TMEM184C: variants seen among roughly 807,000 people sequenced by gnomAD.
TMEM184C encodes the protein transmembrane protein 184C.
A neutral mutation model predicts 54.5 loss-of-function variants in TMEM184C; 25 were observed. That is an observed-to-expected ratio of 0.46 (90% CI 0.33 to 0.64). The LOEUF (loss-of-function observed/expected upper bound fraction) is 0.64, where lower values mean the gene tolerates loss of function less well. Among genes scored for constraint, TMEM184C ranks in the 30% least tolerant of loss-of-function variants. The probability of loss-of-function intolerance (pLI) is 0.02; values close to 1 mark genes in which losing one functional copy is unlikely to be tolerated. For missense variants in TMEM184C, 335 were observed against 520.3 expected (o/e 0.64, Z 3.46); for synonymous variants, 148 against 181.5 (o/e 0.82, Z 1.49).
intron 1 of TMEM184C, among the ~76,000 whole-genome samples, chr4:147,619,533 C>A (rs1732667550): frequency 1.3e-5 from 2 of 152,182 alleles, no homozygotes; most frequent in African/African-American, 4.8e-5. Context: ...TATTCTGCTA[C>A]ATTCAATATT....
intron 1 of TMEM184C, among the ~76,000 whole-genome samples, chr4:147,623,051 T>C (rs1480382338): frequency 6.6e-6 from 1 of 152,216 alleles, no homozygotes; most frequent in Non-Finnish European, 1.5e-5. Context: ...TACATTTTAA[T>C]GTGGAAATTT....
intron 3 of TMEM184C, among the ~76,000 whole-genome samples, chr4:147,624,540 G>A (rs962260099): frequency 6.6e-6 from 1 of 152,064 alleles, no homozygotes; most frequent in African/African-American, 2.4e-5. Context: ...AAGAACACAA[G>A]TACTTACTTT....
rs771751366 is a variant in TMEM184C, at chr4:147,617,919, CT to C, written c.-34del. On this transcript the variant is annotated 5_prime_UTR_variant, in exon 1 of 10. The change abolishes the stop of an existing upstream ORF in the 5' untranslated region. Coordinates refer to ENST00000296582, the MANE Select transcript of TMEM184C (RefSeq NM_018241.3). ...CTCCCCATTACAATCTTTTCGAGAT[CT>C]TTTCCCTTGCTAACCGGATCTGATT... 6 of 1,612,492 alleles carry C rather than the reference CT, an allele frequency of 3.7e-6. No individual in the cohort carries two copies. The highest frequency in any genetic ancestry group is 5.1e-6 in the Non-Finnish European group (6 of 1,179,080).
intron 6 of TMEM184C, among the ~76,000 whole-genome samples, chr4:147,629,969 TGTATGA>T (rs1414113745): frequency 6.6e-6 from 1 of 151,678 alleles, no homozygotes; most frequent in Non-Finnish European, 1.5e-5. Flanking sequence ...ATTGCATAGC[TGTATGA>T]GTATGTCATA....
In TMEM184C at chr4:147,630,467, TA is replaced by T. The variant is rs778926895; in HGVS notation, c.666+776del. Among the ~76,000 whole-genome samples the T allele has an allele frequency of 5.9e-4, 90 of 152,192 alleles. 1 individual carries two copies. Among genetic ancestry groups the T allele is most frequent in the Non-Finnish European group, 1.1e-3 (72 of 67,904 alleles). ...AGTATGTTTGCCTAAAGTATCTTTGTATATAAAGCCCATTACTTGTAAATAA... is the reference window on the plus strand; with the variant it reads ...AGTATGTTTGCCTAAAGTATCTTTGTTATAAAGCCCATTACTTGTAAATAA... On this transcript the variant is annotated intron_variant, in intron 6 of 9. Transcript: ENST00000296582.
At chr4:147,623,995 G>A in intron 2 of TMEM184C, 31 bp downstream of exon 2, 1 of 1,612,536 alleles carries the variant, frequency 6.2e-7, no homozygotes, top group Non-Finnish European at 8.5e-7. Context: ...TTCCACTACT[G>A]TTGTGTTGGC....
chr4:147,634,525 G>A lies in TMEM184C; in HGVS notation c.*91G>A. The stretch of plus-strand genomic sequence containing the variant: ...GTGCTTGGGACAGACCATAAATGAT[G>A]GAAAATGTCAACACAAAAATAGCTG... On this transcript the variant is annotated 3_prime_UTR_variant, in exon 10 of 10. Coordinates refer to ENST00000296582, the MANE Select transcript of TMEM184C (RefSeq NM_018241.3). The A allele has an allele frequency of 2.8e-6, 4 of 1,425,798 alleles. No individual in the cohort carries two copies. Among genetic ancestry groups the A allele is most frequent in the Non-Finnish European group, 2.8e-6 (3 of 1,062,730 alleles). The allele number at this position is 1,425,798 out of a possible 1,614,324, so 88.3% of individuals were successfully genotyped here.
intron 7 of TMEM184C, 38 bp from the exon 8 acceptor site, chr4:147,632,865 T>G: frequency 6.3e-7 from 1 of 1,578,688 alleles, no homozygotes; most frequent in Middle Eastern, 1.7e-4. Context: ...ATTTTATGCT[T>G]GATATAGATT....
chr4:147,634,467 C>A lies in TMEM184C; in HGVS notation c.*33C>A. The A allele has an allele frequency of 6.3e-7, 1 of 1,596,406 alleles. No homozygotes were observed. Among genetic ancestry groups the A allele is most frequent in the Non-Finnish European group, 8.5e-7 (1 of 1,170,396 alleles). ...GGAAAAGCAAACTGTGCAACTACTA[C>A]ATTATATCATTACCTGGTATCCCAT... On this transcript the variant is annotated 3_prime_UTR_variant, in exon 10 of 10. Coordinates refer to ENST00000296582, the MANE Select transcript of TMEM184C (RefSeq NM_018241.3).
In TMEM184C at chr4:147,634,354, A is replaced by G; in HGVS notation, c.1237A>G (p.Thr413Ala). 1.2e-6 allele frequency: 2 copies of G among 1,614,184 alleles called. No homozygotes were observed. Among genetic ancestry groups the G allele is most frequent in the Non-Finnish European group, 8.5e-7 (1 of 1,180,014 alleles). ...TGTGACTCCCCAGACTACACCTACC[A>G]CAGCTAAGATATCTGATGAAATCCT... ...HTVTPQTTPT[T>A]AKISDEILSD... The change falls in exon 10 of 10, where the codon ACA becomes GCA. Residue 413 changes from threonine (T) to alanine (A), a missense_variant. By Grantham distance (58) the Thr-to-Ala change is moderately conservative. Transcript: ENST00000296582.
chr4:147,625,480 T>G (rs1310311709), intron 4 of TMEM184C, among the ~76,000 whole-genome samples: 5 of 152,238 alleles, frequency 3.3e-5, no homozygotes, highest in Non-Finnish European at 7.3e-5. Flanking sequence ...CATTTCATTT[T>G]GAAAAATAAA....
rs1241593463 is a variant in TMEM184C, at chr4:147,634,366, T to C, written c.1249T>C (p.Ser417Pro). ...GACTACACCTACCACAGCTAAGATA[T>C]CTGATGAAATCCTTAGTGATACTAT... Reference protein sequence around the residue: ...PQTTPTTAKISDEILSDTIGE... With the variant: ...PQTTPTTAKIPDEILSDTIGE... Residue 417 changes from serine (S) to proline (P), a missense_variant, in exon 10 of 10, where the codon TCT becomes CCT. Transcript: ENST00000296582. The C allele has an allele frequency of 2.5e-6, 4 of 1,614,102 alleles. No individual in the cohort carries two copies. The highest frequency in any genetic ancestry group is 1.3e-5 in the African/African-American group (1 of 75,028).
rs900832673 is a variant in TMEM184C, at chr4:147,629,584, T to C, written c.573-15T>C. On this transcript the variant is annotated splice_polypyrimidine_tract_variant and intron_variant, in intron 5 of 9. Coordinates refer to ENST00000296582, the MANE Select transcript of TMEM184C (RefSeq NM_018241.3). ...TTTGATTTAATCAGAGATATCTCAT[T>C]TTTACTATTTTTAGAATCTGTGAGC... The C allele has an allele frequency of 1.3e-6, 2 of 1,576,158 alleles. No individual in the cohort carries two copies. The highest frequency in any genetic ancestry group is 2.7e-5 in the African/African-American group (2 of 73,122).
rs1171784669 is a variant in TMEM184C at position 147,635,630 on chromosome 4, T to A, written c.*1196T>A. 6.6e-6 allele frequency: 1 copy of A among 152,178 alleles called. No homozygotes were observed. The highest frequency in any genetic ancestry group is 1.5e-5 in the Non-Finnish European group (1 of 68,004). 9.4% of individuals were successfully genotyped at this position (152,178 alleles called of 1,614,324 possible). ...ACATACTCATTCATATCTATCTATA[T>A]ATATAGAGAGAGATAGTGGTTCACA... On this transcript the variant is annotated 3_prime_UTR_variant, in exon 10 of 10. Coordinates refer to ENST00000296582, the MANE Select transcript of TMEM184C (RefSeq NM_018241.3).
intron 8 of TMEM184C, 91 bp downstream of exon 8, chr4:147,633,093 T>TG (rs1732945258): frequency 9.3e-7 from 1 of 1,073,364 alleles, no homozygotes; most frequent in Non-Finnish European, 1.4e-6. Context: ...ACACAGGGTA[T>TG]GGGGCTATTA....
rs1464288262 is a variant in TMEM184C, at chr4:147,636,622, GACT to G, written c.*2191_*2193del. 6.6e-6 allele frequency: 1 copy of G among 152,052 alleles called. No individual in the cohort carries two copies. Among genetic ancestry groups the G allele is most frequent in the Non-Finnish European group, 1.5e-5 (1 of 67,972 alleles). 9.4% of individuals were successfully genotyped at this position (152,052 alleles called of 1,614,324 possible). A position where few individuals can be genotyped will look rare whatever the true frequency, so the allele number is the denominator to read the frequency against. On this transcript the variant is annotated 3_prime_UTR_variant, in exon 10 of 10. Coordinates refer to ENST00000296582, the MANE Select transcript of TMEM184C (RefSeq NM_018241.3). Reference sequence around the variant, plus strand: ...AGTCAACAAAAACAAAAACAAATGTGACTACATCAAACCAAAAAGCTTCTGACA... The same window carrying G: ...AGTCAACAAAAACAAAAACAAATGTGACATCAAACCAAAAAGCTTCTGACA...
chr4:147,634,522 G>T lies in TMEM184C; in HGVS notation c.*88G>T. 7.0e-7 allele frequency: 1 copy of T among 1,437,346 alleles called. No homozygotes were observed. The highest frequency in any genetic ancestry group is 2.3e-5 in the East Asian group (1 of 43,000). The allele number at this position is 1,437,346 out of a possible 1,614,324, so 89.0% of individuals were successfully genotyped here. A position where few individuals can be genotyped will look rare whatever the true frequency, so the allele number is the denominator to read the frequency against. On this transcript the variant is annotated 3_prime_UTR_variant, in exon 10 of 10. Coordinates refer to ENST00000296582, the MANE Select transcript of TMEM184C (RefSeq NM_018241.3). ...TTTGTGCTTGGGACAGACCATAAAT[G>T]ATGGAAAATGTCAACACAAAAATAG...
At chr4:147,623,539 C>T (rs1394329023) in intron 1 of TMEM184C, among the ~76,000 whole-genome samples, 5 of 150,802 alleles carry the variant, frequency 3.3e-5, no homozygotes, top group Non-Finnish European at 3.0e-5. Flanking sequence ...AAAATAAATG[C>T]CCACCTTTTC....
At position 147,617,790 on chromosome 4, in the gene TMEM184C, G is replaced by A. The variant is rs11541450; in HGVS notation, c.-167G>A. On this transcript the variant is annotated 5_prime_UTR_variant, in exon 1 of 10. Transcript: ENST00000296582. ...TACATTTGCAGAAGCAGCAGCAGCA[G>A]AAGACACAGCGCCGGTCCAGGAGGC... 32,303 of 865,502 alleles carry A rather than the reference G, an allele frequency of 0.037. 777 individuals are homozygous for A. Among genetic ancestry groups the A allele is most frequent in the Non-Finnish European group, 0.05 (26,685 of 538,774 alleles). 53.6% of individuals were successfully genotyped at this position (865,502 alleles called of 1,614,324 possible). A position where few individuals can be genotyped will look rare whatever the true frequency, so the allele number is the denominator to read the frequency against.
Sources: allele counts gnomAD v4.1 joint callset (sites outside exome capture counted in the v4.1 genomes callset), GRCh38; gene constraint gnomAD v4.1.1; transcripts MANE v1.5; gene names NCBI Gene and HGNC (gene_info 2026-07-23, HGNC 2026-07-21).